The following PRUNE1 variants were observed in gnomAD, a reference collection of about 807,000 sequenced individuals.
PRUNE1 encodes the protein exopolyphosphatase PRUNE1.
PRUNE1 carries 25 observed loss-of-function variants against 42.5 expected under a neutral mutation model. The observed-to-expected ratio is 0.59, with a 90% CI of 0.43 to 0.82. PRUNE1 has a LOEUF of 0.82. Ranked by LOEUF, PRUNE1 falls within the 40% of genes least tolerant of loss-of-function variation. PRUNE1 has a pLI of 0.00. For synonymous variants in PRUNE1, 203 were observed against 217.1 expected (o/e 0.93, Z 0.57); for missense variants, 443 against 539.3 (o/e 0.82, Z 1.77).
chr1:151,027,171 C>G, intron 5 of PRUNE1, 62 bp from the exon 6 acceptor site: 1 of 1,248,090 alleles, frequency 8.0e-7, no homozygotes. Flanking sequence ...CTGTCCTTGC[C>G]TTCTTGGTCT....
At chr1:151,030,532 C>T (rs11804787) in intron 7 of PRUNE1, among the ~76,000 whole-genome samples, 10,602 of 152,046 alleles carry the variant, frequency 0.07, 1,164 homozygotes, top group African/African-American at 0.23. Flanking sequence ...ACTCTGTCGC[C>T]CAGGCTTGAG....
intron 3 of PRUNE1, among the ~76,000 whole-genome samples, chr1:151,021,820 T>G (rs866963346): frequency 6.8e-6 from 1 of 148,006 alleles, no homozygotes; most frequent in Non-Finnish European, 1.5e-5. Context: ...CGGGATAATT[T>G]TGTGTGTGTG....
At chr1:151,028,017 C>T (rs1015693080) in intron 6 of PRUNE1, among the ~76,000 whole-genome samples, 2 of 152,126 alleles carry the variant, frequency 1.3e-5, no homozygotes, top group African/African-American at 4.8e-5. Context: ...ATTCCAGCTC[C>T]ACTCCTGTTC....
At chr1:151,022,108 ATTT>A (rs60255032) in intron 3 of PRUNE1, among the ~76,000 whole-genome samples, 6 of 125,794 alleles carry the variant, frequency 4.8e-5, no homozygotes, top group Admixed American at 2.5e-4. Flanking sequence ...TTCCTGGCTA[ATTT>A]TTTTTTTTTT....
At chr1:151,023,516 G>C (rs201904701) in intron 3 of PRUNE1, among the ~76,000 whole-genome samples, 73 of 151,888 alleles carry the variant, frequency 4.8e-4, no homozygotes, top group African/African-American at 1.5e-3. Flanking sequence ...TCAGGAGTTC[G>C]AGACCAGCCT....
intron 6 of PRUNE1, among the ~76,000 whole-genome samples, chr1:151,028,574 C>T (rs993091250): frequency 1.3e-5 from 2 of 152,082 alleles, no homozygotes; most frequent in Non-Finnish European, 2.9e-5. Flanking sequence ...CAGGCATATG[C>T]CCCCATGCCC....
chr1:151,019,055 G>C (rs587686758), intron 3 of PRUNE1, among the ~76,000 whole-genome samples: 22 of 152,090 alleles, frequency 1.4e-4, no homozygotes, highest in African/African-American at 5.3e-4. Context: ...AAAAGAAAGA[G>C]TTTTTGCTTT....
At chr1:151,019,775 A>C (rs74502755) in intron 3 of PRUNE1, among the ~76,000 whole-genome samples, 4,601 of 151,808 alleles carry the variant, frequency 0.03, 110 homozygotes, top group South Asian at 0.1. Flanking sequence ...GTGCTGGTTT[A>C]TAGGTGTGAG....
At chr1:151,022,582 G>T (rs1284007309) in intron 3 of PRUNE1, among the ~76,000 whole-genome samples, 1 of 150,828 alleles carries the variant, frequency 6.6e-6, no homozygotes, top group Non-Finnish European at 1.5e-5. Flanking sequence ...CACCACACCT[G>T]GCTAATTTTT....
chr1:151,033,640 TCGGCCTCCCAAAG>T, intron 7 of PRUNE1, among the ~76,000 whole-genome samples, 153 bp from the exon 8 acceptor site: 1 of 151,874 alleles, frequency 6.6e-6, no homozygotes, highest in Admixed American at 6.6e-5. Context: ...TCCACCCGCC[TCGGCCTCCCAAAG>T]TGCTGGGATT....
At chr1:151,029,725 GA>G (rs1247127388) in intron 7 of PRUNE1, among the ~76,000 whole-genome samples, 28 of 141,434 alleles carry the variant, frequency 2.0e-4, no homozygotes, top group South Asian at 4.5e-4. Flanking sequence ...CTCTGTTGGG[GA>G]AAAAAAAAAA....
intron 3 of PRUNE1, among the ~76,000 whole-genome samples, chr1:151,021,912 C>T (rs587744596): frequency 1.3e-5 from 2 of 151,554 alleles, no homozygotes; most frequent in African/African-American, 4.8e-5. Flanking sequence ...AGGTGATCCG[C>T]CCACCTCGGA....
At chr1:151,029,736 A>C (rs1675125022) in intron 7 of PRUNE1, among the ~76,000 whole-genome samples, 1 of 151,912 alleles carries the variant, frequency 6.6e-6, no homozygotes. Flanking sequence ...AAAAAAAAAA[A>C]CAAAAACTCT....
chr1:151,018,055 T>C, intron 2 of PRUNE1, 151 bp downstream of exon 2: 1 of 625,826 alleles, frequency 1.6e-6, no homozygotes, highest in South Asian at 1.9e-5. Context: ...CCATAAAAAC[T>C]AAAATGATAT....
At chr1:151,010,461 T>C (rs1042558557) in intron 1 of PRUNE1, among the ~76,000 whole-genome samples, 6 of 152,052 alleles carry the variant, frequency 3.9e-5, no homozygotes, top group African/African-American at 1.4e-4. Flanking sequence ...TCTCGACCTT[T>C]CTCTCCCTGC....
intron 3 of PRUNE1, among the ~76,000 whole-genome samples, chr1:151,019,660 GTACT>G (rs766469997): frequency 1.1e-3 from 155 of 146,872 alleles, no homozygotes; most frequent in Non-Finnish European, 1.6e-3. Context: ...ATTTATTTTT[GTACT>G]TACTTATTAA....
At position 151,027,790 on chromosome 1, in the gene PRUNE1, G is replaced by GCGCGCGCA. The variant is rs1259170586; in HGVS notation, c.774+463_774+464insCGCGCGCA. ...TGTGTGTGTGTGTGTGTGCGCGCGC[G>GCGCGCGCA]TGTATGTATGTGTCGATGGGGTCTC... On this transcript the variant is annotated intron_variant, in intron 6 of 7. Transcript: ENST00000271620. Among the ~76,000 whole-genome samples, 98 of 150,578 alleles carry GCGCGCGCA rather than the reference G, an allele frequency of 6.5e-4. 2 individuals are homozygous for GCGCGCGCA. The highest frequency in any genetic ancestry group is 2.2e-3 in the African/African-American group (88 of 40,530).
chr1:151,016,594 C>T (rs1006884345), intron 1 of PRUNE1, among the ~76,000 whole-genome samples: 3 of 151,902 alleles, frequency 2.0e-5, no homozygotes, highest in East Asian at 2.0e-4. Flanking sequence ...CTCCGTCTGC[C>T]GGGTTGAAGC....
Position 151,024,806 on chromosome 1 carries a change from C to T in PRUNE1, c.520+11C>T, listed in dbSNP as rs774354004. 1.2e-6 allele frequency: 2 copies of T among 1,602,176 alleles called. No homozygotes were observed. The highest frequency in any genetic ancestry group is 2.2e-5 in the South Asian group (2 of 89,874). The stretch of plus-strand genomic sequence containing the variant: ...CAGCCCTTCTGCATGGTAAGGGTGG[C>T]TTTTGGATTGGGACCTCAGTAGTTC... On this transcript the variant is annotated intron_variant, in intron 4 of 7. Transcript: ENST00000271620.
Sources: gnomAD v4.1 joint callset for allele counts (sites outside exome capture counted in the v4.1 genomes callset) on GRCh38, gnomAD v4.1.1 for gene constraint, MANE v1.5 for transcripts, NCBI Gene and HGNC (gene_info 2026-07-23, HGNC 2026-07-21) for gene names.